EYS: variants seen among roughly 807,000 people sequenced by gnomAD.
The protein encoded by EYS is EGF-like photoreceptor maintenance factor.
A neutral mutation model predicts 282.1 loss-of-function variants in EYS; 250 were observed. The ratio of observed to expected loss-of-function variants is 0.89; its 90% CI spans 0.80 to 0.98. The LOEUF (loss-of-function observed/expected upper bound fraction) is 0.98. Ranked by LOEUF, EYS falls within the 50% of genes least tolerant of loss-of-function variation. The pLI is 0.00. For missense variants in EYS, 4,016 were observed against 3,709.0 expected, an observed-to-expected ratio of 1.08 and a Z score of -2.15; for synonymous variants, 1,355 against 1,282.9, an observed-to-expected ratio of 1.06 and a Z score of -1.20.
At chr6:65,685,937 T>C (rs1768998068) in intron 1 of EYS, among the ~76,000 whole-genome samples, 1 of 152,024 alleles carries the variant, frequency 6.6e-6, no homozygotes, top group African/African-American at 2.4e-5. Context: ...CAGAAGACCA[T>C]ATGGTGTGCT....
intron 14 of EYS, among the ~76,000 whole-genome samples, chr6:64,984,682 G>T (rs9453144): frequency 0.025 from 3,711 of 151,342 alleles, 147 homozygotes; most frequent in African/African-American, 0.085. Flanking sequence ...TTTATGATGG[G>T]TTTGTAATAT....
At chr6:64,053,479 TG>T (rs1770880886) in intron 33 of EYS, among the ~76,000 whole-genome samples, 1 of 152,144 alleles carries the variant, frequency 6.6e-6, no homozygotes, top group South Asian at 2.1e-4. Context: ...TATTGAGTAG[TG>T]ATTAGAGTTA....
At chr6:64,500,073 A>T (rs889579634) in intron 26 of EYS, among the ~76,000 whole-genome samples, 1 of 152,156 alleles carries the variant, frequency 6.6e-6, no homozygotes, top group Non-Finnish European at 1.5e-5. Context: ...TGATGAAAAT[A>T]CATTGAATAA....
At chr6:64,569,918 T>G (rs771853093) in intron 26 of EYS, among the ~76,000 whole-genome samples, 49 of 152,204 alleles carry the variant, frequency 3.2e-4, no homozygotes, top group African/African-American at 1.0e-3. Context: ...CAGTCCAACA[T>G]TCAAATTCAG....
intron 35 of EYS, among the ~76,000 whole-genome samples, chr6:63,927,323 C>T (rs1345843925): frequency 6.6e-6 from 1 of 152,192 alleles, no homozygotes; most frequent in Non-Finnish European, 1.5e-5. Flanking sequence ...TGACTTTGGG[C>T]CAGTTGCCCT....
At chr6:64,280,884 CA>C (rs1315191994) in intron 30 of EYS, among the ~76,000 whole-genome samples, 1 of 152,046 alleles carries the variant, frequency 6.6e-6, no homozygotes, top group African/African-American at 2.4e-5. Context: ...TATTTATAAT[CA>C]ATTTAAACTT....
At chr6:64,391,250 A>G (rs7771805) in intron 28 of EYS, among the ~76,000 whole-genome samples, 105,368 of 147,746 alleles carry the variant, frequency 0.71, 37,488 homozygotes, top group African/African-American at 0.78. Context: ...GCAGGCCAAC[A>G]TTCAGATTCA....
At chr6:64,827,664 A>G (rs1765098804) in intron 19 of EYS, among the ~76,000 whole-genome samples, 1 of 151,912 alleles carries the variant, frequency 6.6e-6, no homozygotes. Flanking sequence ...TCATATTTCT[A>G]ACCATTTTGA....
chr6:64,466,190 A>T (rs891789979), intron 26 of EYS, among the ~76,000 whole-genome samples: 2 of 152,112 alleles, frequency 1.3e-5, no homozygotes, highest in African/African-American at 4.8e-5. Context: ...AAATGGTATT[A>T]GGTTCCTCAA....
chr6:64,045,457 T>G (rs1036873834), intron 33 of EYS, among the ~76,000 whole-genome samples: 1 of 150,730 alleles, frequency 6.6e-6, no homozygotes, highest in African/African-American at 2.4e-5. Context: ...TTTTATTTTA[T>G]TTTTTGAGAG....
chr6:64,912,567 C>A lies in EYS; in HGVS notation c.2558G>T (p.Cys853Phe). The A allele has an allele frequency of 1.3e-6, 2 of 1,551,244 alleles. No homozygotes were observed. The highest frequency in any genetic ancestry group is 1.7e-6 in the Non-Finnish European group (2 of 1,146,682). ...GQFCHQRYNL[C>F]DLLHNPCRNN... ...TCTGCAAGGGTTATGAAGTAGGTCA[C>A]AAAGGTTATAGCGTTGGTGGCAAAA... The change falls in exon 16 of 43, where the codon TGT becomes TTT. Residue 853 changes from cysteine (C) to phenylalanine (F), a missense_variant. Transcript: ENST00000503581.
intron 32 of EYS, among the ~76,000 whole-genome samples, chr6:64,068,932 C>CGGTGGG (rs754373316): frequency 2.2e-4 from 34 of 151,790 alleles, no homozygotes; most frequent in Non-Finnish European, 3.7e-4. Context: ...TATATTATCT[C>CGGTGGG]GGTGGGCCTT....
At chr6:64,954,628 A>G (rs1769628352) in intron 14 of EYS, among the ~76,000 whole-genome samples, 1 of 152,132 alleles carries the variant, frequency 6.6e-6, no homozygotes, top group African/African-American at 2.4e-5. Context: ...TGGACTAAAA[A>G]TCACTTGTAA....
chr6:64,886,178 A>G (rs112898407), intron 19 of EYS, among the ~76,000 whole-genome samples: 8 of 152,048 alleles, frequency 5.3e-5, no homozygotes, highest in Non-Finnish European at 1.2e-4. Context: ...TTAGAGGGCT[A>G]ATGCCTCTAC....
At chr6:64,205,817 A>G (rs1417683036) in intron 31 of EYS, among the ~76,000 whole-genome samples, 2 of 141,550 alleles carry the variant, frequency 1.4e-5, no homozygotes, top group Non-Finnish European at 3.2e-5. Flanking sequence ...GCATTCATAC[A>G]CACACACACA....
At chr6:64,892,863 T>G (rs146458059) in intron 18 of EYS, among the ~76,000 whole-genome samples, 13 of 152,162 alleles carry the variant, frequency 8.5e-5, no homozygotes, top group African/African-American at 2.9e-4. Context: ...GTCTTTTGGT[T>G]AAATGCATAT....
At chr6:65,378,109 GGA>G (rs1190756337) in intron 8 of EYS, among the ~76,000 whole-genome samples, 4 of 152,076 alleles carry the variant, frequency 2.6e-5, no homozygotes, top group Admixed American at 2.0e-4. Context: ...CTGCAGAATG[GGA>G]GAAAAGTTCT....
chr6:65,248,546 G>T (rs530994366), intron 12 of EYS, among the ~76,000 whole-genome samples: 34 of 152,168 alleles, frequency 2.2e-4, no homozygotes, highest in Non-Finnish European at 4.1e-4. Context: ...GCCTGTGGTT[G>T]TGTTTCTGGT....
At chr6:63,945,829 T>G (rs111568273) in intron 35 of EYS, among the ~76,000 whole-genome samples, 3,030 of 152,252 alleles carry the variant, frequency 0.02, 91 homozygotes, top group African/African-American at 0.063. Context: ...TCAAATAAGG[T>G]GAACTGGTTT....
Sources: allele counts gnomAD v4.1 joint callset (sites outside exome capture counted in the v4.1 genomes callset), GRCh38; gene constraint gnomAD v4.1.1; transcripts MANE v1.5; gene names NCBI Gene and HGNC (gene_info 2026-07-23, HGNC 2026-07-21).